Variants in RANBP2 observed in about 807,000 individuals in gnomAD.
RANBP2 encodes the protein E3 SUMO-protein ligase RanBP2.
A neutral mutation model predicts 303.6 loss-of-function variants in RANBP2; 57 were observed. The observed-to-expected ratio is 0.19, with a 90% confidence interval of 0.15 to 0.23. The LOEUF is 0.23. Among genes scored for constraint, RANBP2 ranks in the 10% least tolerant of loss-of-function variants. The pLI is 1.00. For missense variants in RANBP2, 3,138 were observed against 3,780.8 expected (o/e 0.83, Z 4.46); for synonymous variants, 1,167 against 1,301.5 (o/e 0.90, Z 2.23).
rs757679599 is a variant in RANBP2, at chr2:108,767,168, C to A, written c.6629C>A (p.Thr2210Lys). The part of the protein sequence containing the change: ...GTGAAGASDT[T>K]IKPNPENTGP... The stretch of plus-strand genomic sequence containing the variant: ...GGTGCGGCCGGTGCCTCAGACACAA[C>A]AATAAAACCCAATCCTGAAAACACT... Residue 2210 changes from threonine to lysine, a missense_variant, in exon 20 of 29, where the codon ACA becomes AAA. This residue lies in a region of RANBP2 where 103 missense variants were observed against 214.3 expected (regional missense o/e 0.48). Coordinates refer to ENST00000283195, the MANE Select transcript of RANBP2 (RefSeq NM_006267.5). 23 of 1,611,960 alleles carry A rather than the reference C, an allele frequency of 1.4e-5. No homozygotes were observed. The South Asian group carries it at 2.5e-4, about 18-fold the overall frequency.
the RANBP2 span, among the ~76,000 whole-genome samples, chr2:109,684,245 C>CTTTTTTTTTTTTTTTTT: frequency 2.3e-5 from 2 of 87,140 alleles, 1 homozygote; most frequent in Non-Finnish European, 4.3e-5. Flanking sequence ...CCCGGTCTTA[C>CTTTTTTTTTTTTTTTTT]TTTTTTTTTT....
the RANBP2 span, among the ~76,000 whole-genome samples, chr2:108,956,931 G>A: frequency 6.6e-6 from 1 of 152,156 alleles, no homozygotes; most frequent in Non-Finnish European, 1.5e-5. Context: ...TGGGATTACA[G>A]GCACCTACCA....
the RANBP2 span, among the ~76,000 whole-genome samples, chr2:109,365,768 G>T: frequency 0.033 from 4,980 of 152,246 alleles, 113 homozygotes; most frequent in Middle Eastern, 0.051. Flanking sequence ...TGTACAATTT[G>T]CATGTATCTG....
In RANBP2 at chr2:108,782,163, T is replaced by G. The variant is rs1332313439; in HGVS notation, c.8796T>G (p.Ile2932Met). 1 of 1,614,134 alleles carries G rather than the reference T, an allele frequency of 6.2e-7. No homozygotes were observed. Among genetic ancestry groups the G allele is most frequent in the Admixed American group, 1.7e-5 (1 of 60,018 alleles). The change falls in exon 27 of 29, where the codon ATT (isoleucine) becomes ATG (methionine). Residue 2932 changes from isoleucine (I) to methionine (M), a missense_variant. Transcript: ENST00000283195. ...EVKSGEEDEEILFKERAKLYR... is the reference protein window; with the variant it reads ...EVKSGEEDEEMLFKERAKLYR... The stretch of plus-strand genomic sequence containing the variant: ...AATCTGGAGAAGAAGATGAAGAAAT[T>G]TTGTTTAAAGAGAGAGCCAAACTTT...
At chr2:109,251,722 G>A in the RANBP2 span, 3 of 739,894 alleles carry the variant, frequency 4.1e-6, no homozygotes, top group South Asian at 3.4e-5. Flanking sequence ...TAAAAATTAG[G>A]TCGTGTACAT....
At chr2:109,326,926 G>A in the RANBP2 span, among the ~76,000 whole-genome samples, 3 of 152,306 alleles carry the variant, frequency 2.0e-5, no homozygotes, top group Middle Eastern at 3.4e-3. Flanking sequence ...TCTACCATTC[G>A]GTTCCAGTTC....
the RANBP2 span, among the ~76,000 whole-genome samples, chr2:109,588,463 T>C: frequency 6.6e-6 from 1 of 152,156 alleles, no homozygotes; most frequent in South Asian, 2.1e-4. Flanking sequence ...AATATTGTTA[T>C]AAGGTTTCTA....
chr2:109,664,562 C>G, the RANBP2 span, among the ~76,000 whole-genome samples: 1 of 152,060 alleles, frequency 6.6e-6, no homozygotes, highest in South Asian at 2.1e-4. Context: ...ACAGACCACA[C>G]CATTGCACTC....
At chr2:108,902,574 A>G in the RANBP2 span, among the ~76,000 whole-genome samples, 2 of 152,190 alleles carry the variant, frequency 1.3e-5, no homozygotes, top group Non-Finnish European at 2.9e-5. Context: ...CCAGACAAAG[A>G]CAAAAAACAA....
chr2:108,940,122 T>C, the RANBP2 span: 1 of 152,274 alleles, frequency 6.6e-6, no homozygotes, highest in Non-Finnish European at 1.5e-5. Flanking sequence ...GAACCATTTA[T>C]TGGCACCAGG....
chr2:108,941,344 G>C, the RANBP2 span, among the ~76,000 whole-genome samples: 1 of 152,156 alleles, frequency 6.6e-6, no homozygotes, highest in African/African-American at 2.4e-5. Flanking sequence ...CGTGAGGCAG[G>C]TTCCCAAAGG....
At chr2:109,122,800 G>A in the RANBP2 span, among the ~76,000 whole-genome samples, 3 of 152,164 alleles carry the variant, frequency 2.0e-5, no homozygotes. Flanking sequence ...GAGCCCAGGA[G>A]TTCCAGGCTA....
chr2:109,629,981 G>C, the RANBP2 span, among the ~76,000 whole-genome samples: 1 of 152,102 alleles, frequency 6.6e-6, no homozygotes, highest in Non-Finnish European at 1.5e-5. Flanking sequence ...GCCCTGAAGG[G>C]ACTCACAGTC....
the RANBP2 span, among the ~76,000 whole-genome samples, chr2:109,217,952 G>C: frequency 1.3e-5 from 2 of 152,148 alleles, no homozygotes; most frequent in Admixed American, 1.3e-4. Context: ...CCTTTCCCTC[G>C]AGGGCTCTGC....
chr2:109,030,143 A>C, the RANBP2 span, among the ~76,000 whole-genome samples: 4 of 152,310 alleles, frequency 2.6e-5, no homozygotes, highest in African/African-American at 9.6e-5. Flanking sequence ...ACAGTTTCAA[A>C]TCAACCTGGA....
chr2:109,428,325 G>A, the RANBP2 span, among the ~76,000 whole-genome samples: 1 of 152,282 alleles, frequency 6.6e-6, no homozygotes, highest in African/African-American at 2.4e-5. Flanking sequence ...AGAGAAATCT[G>A]CAGACAATTA....
At chr2:108,914,452 T>G in the RANBP2 span, among the ~76,000 whole-genome samples, 8 of 152,174 alleles carry the variant, frequency 5.3e-5, no homozygotes, top group African/African-American at 1.9e-4. Flanking sequence ...GTGCTTTGCC[T>G]TCCCTTAAAG....
At chr2:109,220,823 T>C in the RANBP2 span, among the ~76,000 whole-genome samples, 1 of 152,226 alleles carries the variant, frequency 6.6e-6, no homozygotes, top group African/African-American at 2.4e-5. Flanking sequence ...ATGGTACAGC[T>C]GCTGTGCAAA....
downstream of RANBP2, chr2:108,788,081 C>G (rs1306632985): frequency 1.2e-6 from 2 of 1,600,088 alleles, no homozygotes; most frequent in Middle Eastern, 1.8e-4. Context: ...AGAACTCTAA[C>G]CTCCCCAGGT....
Sources: gnomAD v4.1 joint callset for allele counts (sites outside exome capture counted in the v4.1 genomes callset) on GRCh38, gnomAD v4.1.1 for gene constraint, gnomAD v4.1.1 regional missense constraint, MANE v1.5 for transcripts, NCBI Gene and HGNC (gene_info 2026-07-23, HGNC 2026-07-21) for gene names.